MYH10: variants seen among roughly 807,000 people sequenced by gnomAD.
MYH10 encodes myosin heavy chain 10.
MYH10 carries 55 observed loss-of-function variants against 257.8 expected under a neutral mutation model. That is an observed-to-expected ratio of 0.21 (90% CI 0.17 to 0.27). The LOEUF is 0.27. Among genes scored for constraint, MYH10 ranks in the 10% least tolerant of loss-of-function variants. The pLI, the probability that MYH10 is intolerant of heterozygous loss-of-function variation, is 1.00. For missense variants in MYH10, 1,631 were observed against 2,500.6 expected (o/e 0.65, Z 7.42); for synonymous variants, 854 against 921.7 (o/e 0.93, Z 1.33).
chr17:8,485,051 A>G (rs1393313272), intron 36 of MYH10, among the ~76,000 whole-genome samples: 1 of 152,262 alleles, frequency 6.6e-6, no homozygotes, highest in African/African-American at 2.4e-5. Context: ...GATATTGTAT[A>G]TAGAAAATCT....
In MYH10 at chr17:8,543,011, T is replaced by C. The variant is rs1028200953; in HGVS notation, c.1432-731A>G. ...ATTTCTGTTCCTTCTCTGTGAACTC[T>C]GCCCATTTTTTAAGAGAAAAATTGA... On this transcript the variant is annotated intron_variant, in intron 13 of 42. Transcript: ENST00000360416. 4.6e-5 allele frequency among the ~76,000 whole-genome samples: 7 copies of C among 152,228 alleles called. 1 individual carries two copies. The highest frequency in any genetic ancestry group is 2.6e-4 in the Admixed American group (4 of 15,290).
At chr17:8,546,466 T>C in intron 12 of MYH10, 78 bp downstream of exon 12, 1 of 1,132,740 alleles carries the variant, frequency 8.8e-7, no homozygotes, top group African/African-American at 1.5e-5. Context: ...TTCAGTTTGT[T>C]ACATGTCAAT....
chr17:8,551,004 G>A (rs976134131), intron 9 of MYH10, among the ~76,000 whole-genome samples: 8 of 151,086 alleles, frequency 5.3e-5, no homozygotes, highest in Admixed American at 2.0e-4. Flanking sequence ...CAAACACTGC[G>A]GAAGGCCGCA....
chr17:8,494,812 A>C (rs1366063593), intron 31 of MYH10, among the ~76,000 whole-genome samples: 2 of 152,208 alleles, frequency 1.3e-5, no homozygotes, highest in African/African-American at 4.8e-5. Flanking sequence ...AAACAATCTT[A>C]TTGGAAATGG....
intron 3 of MYH10, among the ~76,000 whole-genome samples, chr17:8,594,063 T>C (rs573155441): frequency 1.3e-5 from 2 of 152,240 alleles, no homozygotes; most frequent in South Asian, 2.1e-4. Flanking sequence ...AATGGAGAAA[T>C]AGTTGTTTCA....
rs940196863 is a variant in MYH10 at position 8,504,003 on chromosome 17, G to A, written c.3599+691C>T. Among the ~76,000 whole-genome samples the A allele has an allele frequency of 1.3e-5, 2 of 152,170 alleles. No homozygotes were observed. The highest frequency in any genetic ancestry group is 2.4e-5 in the African/African-American group (1 of 41,426). On this transcript the variant is annotated intron_variant, in intron 28 of 42. Transcript: ENST00000360416. This position sits in a 1 kb window ranked among gnomAD's most constrained non-coding sequence, Gnocchi z 5.6. The stretch of plus-strand genomic sequence containing the variant: ...CCACAGTGATGACACCTATGAGTCC[G>A]TGGGAGCCGCAGGCCAGCACCTCCA...
intron 1 of MYH10, 42 bp downstream of exon 1, chr17:8,630,612 C>G (rs1417569854): frequency 1.3e-5 from 2 of 152,760 alleles, no homozygotes; most frequent in Non-Finnish European, 2.9e-5. Flanking sequence ...TGTCCCCCAG[C>G]CCTGGGCCGT....
At chr17:8,618,099 T>C (rs1288601952) in intron 2 of MYH10, among the ~76,000 whole-genome samples, 1 of 152,206 alleles carries the variant, frequency 6.6e-6, no homozygotes. Context: ...TCTACTGTAA[T>C]ACGTTGTTTT....
At chr17:8,627,815 T>C (rs1377922691) in intron 1 of MYH10, among the ~76,000 whole-genome samples, 1 of 152,220 alleles carries the variant, frequency 6.6e-6, no homozygotes, top group Non-Finnish European at 1.5e-5. Context: ...TTTACATACA[T>C]CAACTCTTAA....
intron 2 of MYH10, among the ~76,000 whole-genome samples, chr17:8,612,426 T>G (rs1178631093): frequency 6.6e-6 from 1 of 152,230 alleles, no homozygotes; most frequent in African/African-American, 2.4e-5. Flanking sequence ...ACAAGAAGAG[T>G]ACAATAAGAT....
rs1388619238 is a variant in MYH10, at chr17:8,535,676, C to A, written c.1779+82G>T. ...ATTTGTTTATAAATGTTTATCAGCACCTTTGTTACACCTTCATAAAAATGT... is the reference window on the plus strand; with the variant it reads ...ATTTGTTTATAAATGTTTATCAGCAACTTTGTTACACCTTCATAAAAATGT... On this transcript the variant is annotated intron_variant, in intron 15 of 42. Transcript: ENST00000360416. This position sits in a 1 kb window ranked among gnomAD's most constrained non-coding sequence, Gnocchi z 4.3. 1 of 1,404,370 alleles carries A rather than the reference C, an allele frequency of 7.1e-7. No individual in the cohort carries two copies. The highest frequency in any genetic ancestry group is 1.4e-5 in the African/African-American group (1 of 69,882). The allele number at this position is 1,404,370 out of a possible 1,614,324, so 87.0% of individuals were successfully genotyped here.
At chr17:8,571,526 T>C (rs143176798) in intron 6 of MYH10, among the ~76,000 whole-genome samples, 191 of 152,180 alleles carry the variant, frequency 1.3e-3, no homozygotes, top group Middle Eastern at 6.8e-3. Context: ...CTTATGCCTG[T>C]AATCCCAAAA....
At chr17:8,546,416 T>A in intron 12 of MYH10, 128 bp downstream of exon 12, 1 of 686,430 alleles carries the variant, frequency 1.5e-6, no homozygotes, top group Non-Finnish European at 2.3e-6. Context: ...AAAAACTCAT[T>A]TAGTACCTAA....
chr17:8,597,198 T>C (rs932383019), intron 3 of MYH10, among the ~76,000 whole-genome samples: 3 of 152,122 alleles, frequency 2.0e-5, no homozygotes, highest in African/African-American at 7.2e-5. Flanking sequence ...AAATGTTGAA[T>C]GTTAAAATGT....
intron 2 of MYH10, among the ~76,000 whole-genome samples, chr17:8,618,282 CTT>C (rs2085341188): frequency 6.9e-6 from 1 of 144,294 alleles, no homozygotes; most frequent in African/African-American, 2.6e-5. Flanking sequence ...GAGTTTCGCT[CTT>C]GTTGCCCAGG....
intron 2 of MYH10, among the ~76,000 whole-genome samples, chr17:8,615,874 T>C (rs1645161189): frequency 6.6e-6 from 1 of 152,238 alleles, no homozygotes; most frequent in African/African-American, 2.4e-5. Flanking sequence ...TGATGAAATG[T>C]TGACAGTTTC....
At chr17:8,581,169 G>A (rs1455582313) in intron 4 of MYH10, among the ~76,000 whole-genome samples, 1 of 152,014 alleles carries the variant, frequency 6.6e-6, no homozygotes. Context: ...AAGGGGAGGG[G>A]TGCCATGGAC....
chr17:8,569,221 CAA>C lies in MYH10; in HGVS notation c.756+497_756+498del, dbSNP rs57833859. 1.4e-3 allele frequency among the ~76,000 whole-genome samples: 196 copies of C among 138,726 alleles called. No individual in the cohort carries two copies. Among genetic ancestry groups the C allele is most frequent in the Non-Finnish European group, 1.5e-3 (97 of 63,502 alleles). The allele number at this position is 138,726 out of a possible 152,430, so 91.0% of individuals were successfully genotyped here. On this transcript the variant is annotated intron_variant, in intron 7 of 42. Transcript: ENST00000360416. The surrounding 1 kb of genome is among the most constrained non-coding windows in gnomAD (Gnocchi z 4.1). The stretch of plus-strand genomic sequence containing the variant: ...TGGGTGACAGAGCAAGACCCTGTCT[CAA>C]AAAAAAAAAAAAATTAAAGAGAAGT...
intron 1 of MYH10, among the ~76,000 whole-genome samples, chr17:8,624,522 A>T (rs371883411): frequency 4.6e-5 from 7 of 151,770 alleles, no homozygotes; most frequent in East Asian, 1.9e-4. Context: ...CCCTCTGTTC[A>T]CTCCACTCCC....
Sources: allele counts gnomAD v4.1 joint callset (sites outside exome capture counted in the v4.1 genomes callset), GRCh38; gene constraint gnomAD v4.1.1; non-coding constraint Gnocchi (gnomAD v3.1); transcripts MANE v1.5; gene names NCBI Gene and HGNC (gene_info 2026-07-23, HGNC 2026-07-21).